Variants in ADRA1A observed in about 807,000 individuals in gnomAD.
ADRA1A encodes alpha-1A adrenergic receptor.
Under a neutral mutation model 29.6 loss-of-function variants are expected in ADRA1A, and 31 were observed. The observed-to-expected ratio is 1.05, with a 90% CI of 0.79 to 1.41. The LOEUF is 1.41. Among genes scored for constraint, ADRA1A ranks in the 40% most tolerant of loss-of-function variants. ADRA1A has a pLI of 0.00. For missense variants in ADRA1A, 619 were observed against 601.1 expected, an observed-to-expected ratio of 1.03 and a Z score of -0.31; for synonymous variants, 311 against 254.3, an observed-to-expected ratio of 1.22 and a Z score of -2.12.
chr8:26,760,353 T>C (rs1040127847), intron 2 of ADRA1A, among the ~76,000 whole-genome samples: 2 of 152,138 alleles, frequency 1.3e-5, no homozygotes, highest in African/African-American at 4.8e-5. Flanking sequence ...AGGCTTAGGC[T>C]TTAAGAGTGG....
chr8:26,785,512 C>T (rs531117974), intron 2 of ADRA1A, among the ~76,000 whole-genome samples: 1 of 151,882 alleles, frequency 6.6e-6, no homozygotes, highest in East Asian at 2.0e-4. Context: ...CTTCAGATTT[C>T]CAGTTTAGAA....
rs1025314427 is a variant in ADRA1A, at chr8:26,806,628, A to G, written c.884-35962T>C. ...CACTGGGGAGTAAATGAAATGGCCT[A>G]TAGCTTAGAATGGAACCTCTCTAAT... is the stretch of plus-strand genomic sequence containing the variant. On this transcript the variant is annotated intron_variant, in intron 2 of 2. Coordinates refer to ENST00000380573, the MANE Select transcript of ADRA1A (RefSeq NM_000680.4). This position sits in a 1 kb window ranked among gnomAD's most constrained non-coding sequence, Gnocchi z 4.6. 6.6e-6 allele frequency among the ~76,000 whole-genome samples: 1 copy of G among 152,202 alleles called. No homozygotes were observed. The highest frequency in any genetic ancestry group is 1.5e-5 in the Non-Finnish European group (1 of 68,034).
At position 26,775,348 on chromosome 8, in the gene ADRA1A, CT is replaced by C. The variant is rs978409417; in HGVS notation, c.884-4683del. Among the ~76,000 whole-genome samples the C allele has an allele frequency of 1.7e-4, 26 of 151,854 alleles. No individual in the cohort carries two copies. Among genetic ancestry groups the C allele is most frequent in the Non-Finnish European group, 3.4e-4 (23 of 67,964 alleles). The stretch of plus-strand genomic sequence containing the variant: ...GACTTCTTTCTGCTGTCTCATTCTT[CT>C]TTTTTTTGCCCACCATTTCAGTTCA... On this transcript the variant is annotated intron_variant, in intron 2 of 2. Coordinates refer to ENST00000380573, the MANE Select transcript of ADRA1A (RefSeq NM_000680.4). The surrounding 1 kb of genome is among the most constrained non-coding windows in gnomAD (Gnocchi z 4.1).
At position 26,775,888 on chromosome 8, in the gene ADRA1A, T is replaced by C. The variant is rs1462306051; in HGVS notation, c.884-5222A>G. ...CACTTCCACTGTAAAGGCCTCTAGATGCCAAGAAGAAATTGAAACGAATAA... is the reference window on the plus strand; with the variant it reads ...CACTTCCACTGTAAAGGCCTCTAGACGCCAAGAAGAAATTGAAACGAATAA... On this transcript the variant is annotated intron_variant, in intron 2 of 2. Transcript: ENST00000380573. The surrounding 1 kb of genome is among the most constrained non-coding windows in gnomAD (Gnocchi z 4.1). Among the ~76,000 whole-genome samples the C allele has an allele frequency of 2.0e-5, 3 of 152,208 alleles. No individual in the cohort carries two copies. Among genetic ancestry groups the C allele is most frequent in the Non-Finnish European group, 4.4e-5 (3 of 68,038 alleles).
chr8:26,844,229 C>T (rs1812041091), intron 2 of ADRA1A, among the ~76,000 whole-genome samples: 2 of 152,144 alleles, frequency 1.3e-5, no homozygotes. Flanking sequence ...CAAATGGACT[C>T]ACCTGAGTTC....
chr8:26,850,008 CTAA>C (rs1485724994), intron 2 of ADRA1A, among the ~76,000 whole-genome samples: 3 of 40,300 alleles, frequency 7.4e-5, no homozygotes, highest in South Asian at 6.7e-4. Context: ...AAAAAAGTGA[CTAA>C]TGAGAGAGAA....
At chr8:26,826,275 G>A (rs7820633) in intron 2 of ADRA1A, among the ~76,000 whole-genome samples, 88,920 of 151,992 alleles carry the variant, frequency 0.59, 26,456 homozygotes, top group East Asian at 0.65. Flanking sequence ...TGACTGGCAA[G>A]CAATTCTCCT....
intron 2 of ADRA1A, among the ~76,000 whole-genome samples, chr8:26,830,446 G>A (rs1470004184): frequency 3.9e-5 from 6 of 152,100 alleles, no homozygotes; most frequent in African/African-American, 9.7e-5. Flanking sequence ...TCCCTTGTTC[G>A]TTCTAGGATA....
At chr8:26,859,289 A>AG in intron 2 of ADRA1A, 2 of 928,102 alleles carry the variant, frequency 2.2e-6, no homozygotes, top group South Asian at 3.0e-5. Flanking sequence ...TAATAAAAAA[A>AG]CATATAACAT....
intron 2 of ADRA1A, chr8:26,858,964 G>T: frequency 9.6e-7 from 1 of 1,043,312 alleles, no homozygotes; most frequent in Non-Finnish European, 1.2e-6. Flanking sequence ...AAAGAAGCTT[G>T]GGAAAAGGGA....
chr8:26,839,972 G>A (rs1384408442), intron 2 of ADRA1A, among the ~76,000 whole-genome samples: 1 of 152,152 alleles, frequency 6.6e-6, no homozygotes, highest in African/African-American at 2.4e-5. Flanking sequence ...ACCTTTGTAC[G>A]GAGCTTTGCA....
intron 2 of ADRA1A, among the ~76,000 whole-genome samples, chr8:26,788,270 T>C (rs1408688691): frequency 6.6e-6 from 1 of 152,174 alleles, no homozygotes; most frequent in Admixed American, 6.5e-5. Flanking sequence ...CTACAAGTTG[T>C]GCTAAGTCTA....
intron 2 of ADRA1A, among the ~76,000 whole-genome samples, chr8:26,857,239 T>C (rs566455206): frequency 2.1e-4 from 32 of 152,248 alleles, no homozygotes; most frequent in South Asian, 8.3e-4. Context: ...CAGCTTCAAT[T>C]GCCAGGCAAG....
In ADRA1A at chr8:26,820,400, C is replaced by T. The variant is rs1056970274; in HGVS notation, c.883+43687G>A. 6.6e-5 allele frequency among the ~76,000 whole-genome samples: 10 copies of T among 152,052 alleles called. 1 individual carries two copies. The highest frequency in any genetic ancestry group is 1.3e-4 in the Non-Finnish European group (9 of 67,998). Reference sequence around the variant, plus strand: ...AAATCATATCAAGTCATTTTTTGACCACAATTATTGTCAATTATTACCTCA... The same window carrying T: ...AAATCATATCAAGTCATTTTTTGACTACAATTATTGTCAATTATTACCTCA... On this transcript the variant is annotated intron_variant, in intron 2 of 2. Coordinates refer to ENST00000380573, the MANE Select transcript of ADRA1A (RefSeq NM_000680.4).
In ADRA1A at chr8:26,805,834, A is replaced by G. The variant is rs1489586382; in HGVS notation, c.884-35168T>C. Among the ~76,000 whole-genome samples, 1 of 152,098 alleles carries G rather than the reference A, an allele frequency of 6.6e-6. No homozygotes were observed. Among genetic ancestry groups the G allele is most frequent in the Non-Finnish European group, 1.5e-5 (1 of 68,004 alleles). ...TATTTTTAACCATTTTCCCCCCCAC[A>G]TAGATTTGGCATTATTAACAGAGCC... On this transcript the variant is annotated intron_variant, in intron 2 of 2. Coordinates refer to ENST00000380573, the MANE Select transcript of ADRA1A (RefSeq NM_000680.4). The surrounding 1 kb of genome is among the most constrained non-coding windows in gnomAD (Gnocchi z 4.8).
At chr8:26,793,204 T>C (rs1176363420) in intron 2 of ADRA1A, among the ~76,000 whole-genome samples, 1 of 151,926 alleles carries the variant, frequency 6.6e-6, no homozygotes. Flanking sequence ...AATACATAGG[T>C]ATATGTATGT....
exon 3 of ADRA1A, chr8:26,756,411 TGGCTG>T: frequency 7.5e-7 from 1 of 1,339,194 alleles, no homozygotes; most frequent in South Asian, 1.5e-5. Flanking sequence ...ACCCTACACG[TGGCTG>T]ATGATTCTCA....
At chr8:26,832,015 C>A (rs60814103) in intron 2 of ADRA1A, among the ~76,000 whole-genome samples, 2 of 152,360 alleles carry the variant, frequency 1.3e-5, no homozygotes, top group Middle Eastern at 3.4e-3. Context: ...AGGAAGGAGC[C>A]ATCTGAGAAT....
rs574176570 is a variant in ADRA1A, at chr8:26,791,294, T to C, written c.884-20628A>G. Among the ~76,000 whole-genome samples, 5 of 152,284 alleles carry C rather than the reference T, an allele frequency of 3.3e-5. No homozygotes were observed. In the South Asian group the frequency reaches 6.2e-4, roughly 19 times the overall value. Reference sequence around the variant, plus strand: ...ACTATGAAATAAATATTTGTGTGGATAGATTTGGAGTATTTTCTTAAGTTA... The same window carrying C: ...ACTATGAAATAAATATTTGTGTGGACAGATTTGGAGTATTTTCTTAAGTTA... On this transcript the variant is annotated intron_variant, in intron 2 of 2. Transcript: ENST00000380573.
Sources: allele counts gnomAD v4.1 joint callset (sites outside exome capture counted in the v4.1 genomes callset), GRCh38; gene constraint gnomAD v4.1.1; non-coding constraint Gnocchi (gnomAD v3.1); transcripts MANE v1.5; gene names NCBI Gene and HGNC (gene_info 2026-07-23, HGNC 2026-07-21).